The following SERGEF variants were observed in gnomAD, a reference collection of about 807,000 sequenced individuals.
The protein encoded by SERGEF is secretion regulating guanine nucleotide exchange factor.
A neutral mutation model predicts 50.0 loss-of-function variants in SERGEF; 51 were observed. The ratio of observed to expected loss-of-function variants is 1.02; its 90% CI spans 0.81 to 1.29. The LOEUF is 1.29. Ranked by LOEUF, SERGEF falls within the 50% of genes most tolerant of loss-of-function variation. SERGEF has a pLI of 0.00. For synonymous variants in SERGEF, 205 were observed against 212.4 expected (o/e 0.97, Z 0.30); for missense variants, 521 against 557.0 (o/e 0.94, Z 0.65).
intron 10 of SERGEF, among the ~76,000 whole-genome samples, chr11:17,846,158 A>G (rs1259434243): frequency 1.3e-5 from 2 of 152,224 alleles, no homozygotes; most frequent in Admixed American, 6.5e-5. Flanking sequence ...TGGTGGTGCC[A>G]GCAGCTCTTG....
At chr11:17,993,356 G>T (rs965191344) in intron 6 of SERGEF, among the ~76,000 whole-genome samples, 2 of 152,174 alleles carry the variant, frequency 1.3e-5, no homozygotes, top group African/African-American at 4.8e-5. Context: ...AATAGACATA[G>T]GTGTGTGTAT....
At chr11:18,006,826 T>A in intron 2 of SERGEF, 80 bp from the exon 3 acceptor site, 1 of 1,507,124 alleles carries the variant, frequency 6.6e-7, no homozygotes, top group Non-Finnish European at 9.1e-7. Flanking sequence ...TTTCACTAAT[T>A]ATTTGGACTC....
At chr11:17,981,588 T>A (rs1363398126) in intron 8 of SERGEF, among the ~76,000 whole-genome samples, 1 of 152,162 alleles carries the variant, frequency 6.6e-6, no homozygotes, top group Non-Finnish European at 1.5e-5. Context: ...TATGAGAACA[T>A]GGATGTGAAA....
intron 9 of SERGEF, among the ~76,000 whole-genome samples, chr11:17,927,061 T>C (rs907461789): frequency 6.6e-6 from 1 of 152,214 alleles, no homozygotes; most frequent in African/African-American, 2.4e-5. Flanking sequence ...ATACCTACTC[T>C]ATTCCCGGTA....
chr11:17,957,010 G>T (rs1258274635), intron 9 of SERGEF, among the ~76,000 whole-genome samples: 2 of 152,192 alleles, frequency 1.3e-5, no homozygotes, highest in Non-Finnish European at 2.9e-5. Context: ...CACAGCTGGA[G>T]ACAATTCCCA....
chr11:17,956,970 TA>T (rs1402242135), intron 9 of SERGEF, among the ~76,000 whole-genome samples: 1 of 152,136 alleles, frequency 6.6e-6, no homozygotes, highest in African/African-American at 2.4e-5. Flanking sequence ...CTCGAGCAAA[TA>T]CATGCCTAGC....
chr11:17,824,575 G>A (rs1353611122), intron 10 of SERGEF, among the ~76,000 whole-genome samples: 4 of 152,184 alleles, frequency 2.6e-5, no homozygotes, highest in African/African-American at 9.7e-5. Flanking sequence ...TGAAACAACA[G>A]AAATTAATTT....
chr11:17,889,620 T>G (rs1038886724), intron 9 of SERGEF, among the ~76,000 whole-genome samples: 1 of 152,028 alleles, frequency 6.6e-6, no homozygotes, highest in East Asian at 1.9e-4. Flanking sequence ...TAGATCAAAG[T>G]GAAAAATTGT....
intron 10 of SERGEF, among the ~76,000 whole-genome samples, chr11:17,793,605 A>G (rs1240805423): frequency 1.3e-5 from 2 of 152,238 alleles, no homozygotes; most frequent in African/African-American, 4.8e-5. Context: ...TGGAACGTCC[A>G]GTTTTCAAAA....
intron 10 of SERGEF, among the ~76,000 whole-genome samples, chr11:17,838,068 G>T (rs188166074): frequency 6.6e-6 from 1 of 152,322 alleles, no homozygotes; most frequent in African/African-American, 2.4e-5. Flanking sequence ...AACACTAGAA[G>T]TCAGAAGACC....
chr11:18,002,695 C>G (rs1303014387), intron 4 of SERGEF, among the ~76,000 whole-genome samples: 4 of 152,188 alleles, frequency 2.6e-5, no homozygotes, highest in Non-Finnish European at 5.9e-5. Context: ...CATGGTATTA[C>G]ATTTAAGTAT....
At chr11:17,836,241 A>C (rs1031828102) in intron 10 of SERGEF, among the ~76,000 whole-genome samples, 1 of 152,218 alleles carries the variant, frequency 6.6e-6, no homozygotes, top group Non-Finnish European at 1.5e-5. Context: ...TCCTCTTCAA[A>C]AGAGCTAGAC....
At chr11:18,011,476 C>T (rs1854194368) in intron 1 of SERGEF, among the ~76,000 whole-genome samples, 1 of 152,184 alleles carries the variant, frequency 6.6e-6, no homozygotes, top group African/African-American at 2.4e-5. Context: ...GAAACCAAAC[C>T]TACTCACACC....
At chr11:17,872,871 T>C (rs1305927189) in intron 10 of SERGEF, among the ~76,000 whole-genome samples, 3 of 152,088 alleles carry the variant, frequency 2.0e-5, no homozygotes, top group Non-Finnish European at 2.9e-5. Flanking sequence ...TTGAGAAAAA[T>C]CAGGCACTGA....
At chr11:18,003,899 G>A (rs1260334271) in intron 4 of SERGEF, among the ~76,000 whole-genome samples, 1 of 152,156 alleles carries the variant, frequency 6.6e-6, no homozygotes, top group African/African-American at 2.4e-5. Flanking sequence ...GATATTGGTT[G>A]CTCATCTCTG....
chr11:17,880,182 A>G lies in SERGEF; in HGVS notation c.1012-1938T>C, dbSNP rs188178543. Among the ~76,000 whole-genome samples, 7 of 152,330 alleles carry G rather than the reference A, an allele frequency of 4.6e-5. No homozygotes were observed. In the East Asian group the frequency reaches 1.2e-3, roughly 25 times the overall value. On this transcript the variant is annotated intron_variant, in intron 9 of 10. Coordinates refer to ENST00000265965, the MANE Select transcript of SERGEF (RefSeq NM_012139.4). ...GACTCCCTGACAGTGCTTAATTACC[A>G]GTAAGTATTTCCAGGTTGTTTAGTC... is the stretch of plus-strand genomic sequence containing the variant.
chr11:17,865,090 G>A (rs150339368), intron 10 of SERGEF, among the ~76,000 whole-genome samples: 25 of 152,078 alleles, frequency 1.6e-4, no homozygotes, highest in African/African-American at 3.4e-4. Flanking sequence ...ACCAAGTTTC[G>A]GTCAACAACT....
Position 18,013,005 on chromosome 11 carries a change from C to T in SERGEF, c.6G>A (p.Glu2=). 7.0e-7 allele frequency: 1 copy of T among 1,428,848 alleles called. No homozygotes were observed. Among genetic ancestry groups the T allele is most frequent in the Non-Finnish European group, 9.1e-7 (1 of 1,102,604 alleles). 88.5% of individuals were successfully genotyped at this position (1,428,848 alleles called of 1,614,324 possible). A position where few individuals can be genotyped will look rare whatever the true frequency, so the allele number is the denominator to read the frequency against. The change falls in exon 1 of 11, where the codon GAG becomes GAA. Residue 2 remains glutamate, a synonymous_variant. Coordinates refer to ENST00000265965, the MANE Select transcript of SERGEF (RefSeq NM_012139.4). This position sits in a 1 kb window ranked among gnomAD's most constrained non-coding sequence, Gnocchi z 4.3. M[E]REPSASEAAP... is the part of the protein sequence containing the mutation. The stretch of plus-strand genomic sequence containing the variant: ...CGGCCTCCGAGGCGCTGGGCTCGCG[C>T]TCCATGCGAGGACGCTCCGCCGGCG...
At chr11:17,867,503 T>G (rs1222170639) in intron 10 of SERGEF, among the ~76,000 whole-genome samples, 2 of 152,238 alleles carry the variant, frequency 1.3e-5, no homozygotes, top group East Asian at 3.8e-4. Flanking sequence ...CTAGCTGCTT[T>G]CATGGGTTGG....
Sources: gnomAD v4.1 joint callset for allele counts (sites outside exome capture counted in the v4.1 genomes callset) on GRCh38, gnomAD v4.1.1 for gene constraint, Gnocchi (gnomAD v3.1) non-coding constraint, MANE v1.5 for transcripts, NCBI Gene and HGNC (gene_info 2026-07-23, HGNC 2026-07-21) for gene names.